BLTP3B: variants seen among roughly 807,000 people sequenced by gnomAD.
BLTP3B encodes bridge-like lipid transfer protein family member 3B, also known as UHRF1 (ICBP90) binding protein 1-like.
the BLTP3B span, among the ~76,000 whole-genome samples, chr12:100,122,111 A>T: frequency 6.6e-6 from 1 of 152,130 alleles, no homozygotes; most frequent in Non-Finnish European, 1.5e-5. Context: ...CTCAAATAAT[A>T]AAATAAAATA....
the BLTP3B span, among the ~76,000 whole-genome samples, chr12:100,083,791 CTGGGTGTGACTATTAT>C: frequency 1.3e-5 from 2 of 151,884 alleles, no homozygotes; most frequent in South Asian, 4.2e-4. Context: ...AAAATTCTTC[CTGGGTGTGACTATTAT>C]TGGTTGTATT....
At chr12:100,051,146 T>C in the BLTP3B span, 2 of 1,614,146 alleles carry the variant, frequency 1.2e-6, no homozygotes, top group Non-Finnish European at 1.7e-6. Flanking sequence ...AGTTTCACCA[T>C]AATTCTGTAG....
the BLTP3B span, among the ~76,000 whole-genome samples, chr12:100,065,904 T>C: frequency 6.6e-6 from 1 of 152,172 alleles, no homozygotes; most frequent in African/African-American, 2.4e-5. Flanking sequence ...CCTCCCCTTT[T>C]GAAGTCCTTA....
chr12:100,089,072 G>A, the BLTP3B span: 16 of 1,606,136 alleles, frequency 1.0e-5, no homozygotes, highest in South Asian at 1.5e-4. Context: ...TCACTTGCTG[G>A]GCAGATGCGA....
chr12:100,078,329 CT>C, the BLTP3B span, among the ~76,000 whole-genome samples: 4 of 152,182 alleles, frequency 2.6e-5, no homozygotes, highest in Non-Finnish European at 5.9e-5. Flanking sequence ...CTGAGGCCTC[CT>C]CCCCAGAAGC....
the BLTP3B span, among the ~76,000 whole-genome samples, chr12:100,044,734 G>A: frequency 6.6e-6 from 1 of 152,246 alleles, no homozygotes; most frequent in African/African-American, 2.4e-5. Context: ...ACACAGCATT[G>A]GAAGTTCTGG....
At chr12:100,037,576 C>T in the BLTP3B span, 4 of 1,576,620 alleles carry the variant, frequency 2.5e-6, no homozygotes, top group Non-Finnish European at 3.4e-6. Flanking sequence ...GTAACATCCA[C>T]ATTATAAATA....
chr12:100,058,975 G>A, the BLTP3B span: 77 of 1,613,966 alleles, frequency 4.8e-5, no homozygotes, highest in Non-Finnish European at 6.3e-5. Flanking sequence ...TCCTTCAAGA[G>A]CTTCTTCCGC....
the BLTP3B span, among the ~76,000 whole-genome samples, chr12:100,062,673 C>A: frequency 6.6e-6 from 1 of 152,074 alleles, no homozygotes; most frequent in African/African-American, 2.4e-5. Flanking sequence ...TATAAATAAG[C>A]CTGGATGGCT....
At chr12:100,128,558 G>A in the BLTP3B span, 15 of 1,130,162 alleles carry the variant, frequency 1.3e-5, no homozygotes, top group South Asian at 5.5e-5. Flanking sequence ...AAAAAAAAAA[G>A]CATGGGGAAT....
the BLTP3B span, among the ~76,000 whole-genome samples, chr12:100,111,084 C>G: frequency 6.6e-6 from 1 of 151,978 alleles, no homozygotes; most frequent in Non-Finnish European, 1.5e-5. Flanking sequence ...AAGAGGGATA[C>G]CCCATCTAAT....
the BLTP3B span, among the ~76,000 whole-genome samples, chr12:100,040,229 G>A: frequency 4.6e-5 from 7 of 152,136 alleles, no homozygotes; most frequent in South Asian, 1.4e-3. Context: ...ACAACAGTAT[G>A]TCAATAATTA....
At chr12:100,118,661 T>C in the BLTP3B span, among the ~76,000 whole-genome samples, 1 of 152,184 alleles carries the variant, frequency 6.6e-6, no homozygotes, top group South Asian at 2.1e-4. Flanking sequence ...AGACTAAATG[T>C]TGGGTATGAG....
chr12:100,137,260 C>A, the BLTP3B span, among the ~76,000 whole-genome samples: 3,526 of 152,160 alleles, frequency 0.023, 59 homozygotes, highest in African/African-American at 0.039. Context: ...AATCCTTTGA[C>A]GGTTCTTTCC....
chr12:100,040,212 A>T, the BLTP3B span, among the ~76,000 whole-genome samples: 3 of 152,214 alleles, frequency 2.0e-5, no homozygotes, highest in Non-Finnish European at 4.4e-5. Flanking sequence ...ATAAAGGAAT[A>T]CTATAAACAA....
chr12:100,078,674 G>T, the BLTP3B span, among the ~76,000 whole-genome samples: 3 of 152,086 alleles, frequency 2.0e-5, no homozygotes, highest in African/African-American at 7.2e-5. Flanking sequence ...ATCTATATAG[G>T]GTTCCACATC....
At chr12:100,086,246 A>G in the BLTP3B span, 1 of 1,326,896 alleles carries the variant, frequency 7.5e-7, no homozygotes, top group Non-Finnish European at 1.0e-6. Flanking sequence ...AACAACATTT[A>G]TATCTTTTAA....
chr12:100,040,706 CA>C, the BLTP3B span, among the ~76,000 whole-genome samples: 2 of 150,408 alleles, frequency 1.3e-5, no homozygotes, highest in Non-Finnish European at 3.0e-5. Flanking sequence ...ACAACAACAA[CA>C]AAAAAAAACT....
the BLTP3B span, among the ~76,000 whole-genome samples, chr12:100,100,083 A>T: frequency 6.6e-6 from 1 of 151,958 alleles, no homozygotes; most frequent in African/African-American, 2.4e-5. Flanking sequence ...CAGGTGGATC[A>T]CTTTAGCCCA....
Sources: gnomAD v4.1 joint callset for allele counts (sites outside exome capture counted in the v4.1 genomes callset) on GRCh38, gnomAD v4.1.1 for gene constraint, MANE v1.5 for transcripts, NCBI Gene and HGNC (gene_info 2026-07-23, HGNC 2026-07-21) for gene names.